Variants in RBMS3 observed in about 807,000 individuals in gnomAD.
RBMS3 encodes RNA binding motif single stranded interacting protein 3, also known as RNA-binding motif, single-stranded-interacting protein 3.
Under a neutral mutation model 66.8 loss-of-function variants are expected in RBMS3, and 27 were observed. That is an observed-to-expected ratio of 0.40 (90% CI 0.30 to 0.56). The LOEUF is 0.56. Among genes scored for constraint, RBMS3 ranks in the 20% least tolerant of loss-of-function variants. The pLI, the probability that RBMS3 is intolerant of heterozygous loss-of-function variation, is 0.40. For missense variants in RBMS3, 513 were observed against 549.5 expected, an observed-to-expected ratio of 0.93 and a Z score of 0.66; for synonymous variants, 188 against 183.0, an observed-to-expected ratio of 1.03 and a Z score of -0.22.
intron 3 of RBMS3, among the ~76,000 whole-genome samples, chr3:29,581,971 C>A (rs980795083): frequency 1.3e-5 from 2 of 152,192 alleles, no homozygotes; most frequent in South Asian, 4.1e-4. Flanking sequence ...CACAGCAACA[C>A]AGAAGTATAA....
Position 29,762,278 on chromosome 3 carries a change from C to A in RBMS3, c.558-632C>A, listed in dbSNP as rs1451809506. Among the ~76,000 whole-genome samples the A allele has an allele frequency of 2.0e-5, 3 of 152,106 alleles. No individual in the cohort carries two copies. The South Asian group carries it at 6.2e-4, about 31-fold the overall frequency. Reference sequence around the variant, plus strand: ...CTTCAACATGTAGGACCCCACCTAACTCTTTGGATGTCTTACATAAAGTGG... The same window carrying A: ...CTTCAACATGTAGGACCCCACCTAAATCTTTGGATGTCTTACATAAAGTGG... On this transcript the variant is annotated intron_variant, in intron 5 of 14. Coordinates refer to ENST00000383767, the MANE Select transcript of RBMS3 (RefSeq NM_001003793.3).
At chr3:29,300,751 AAAT>A (rs1255326822) in intron 1 of RBMS3, among the ~76,000 whole-genome samples, 6 of 152,022 alleles carry the variant, frequency 3.9e-5, no homozygotes, top group African/African-American at 1.4e-4. Flanking sequence ...TGTTTCCAAA[AAAT>A]GATAAGAAAT....
chr3:29,990,606 G>GA (rs1698792757), intron 13 of RBMS3, among the ~76,000 whole-genome samples: 2 of 151,914 alleles, frequency 1.3e-5, no homozygotes, highest in African/African-American at 4.8e-5. Context: ...TTACTGGAGA[G>GA]AAAAATCTAC....
intron 3 of RBMS3, among the ~76,000 whole-genome samples, chr3:29,538,465 C>G (rs1013839039): frequency 6.6e-6 from 1 of 152,150 alleles, no homozygotes; most frequent in Non-Finnish European, 1.5e-5. Context: ...TAAGGAACAT[C>G]GTTATCCTTA....
intron 6 of RBMS3, among the ~76,000 whole-genome samples, chr3:29,821,168 A>T (rs565516630): frequency 3.9e-5 from 6 of 152,296 alleles, no homozygotes; most frequent in Admixed American, 6.5e-5. Context: ...ACATTTTTAG[A>T]GTAAGTTTTC....
At chr3:29,719,214 G>A (rs1194951012) in intron 4 of RBMS3, among the ~76,000 whole-genome samples, 3 of 152,088 alleles carry the variant, frequency 2.0e-5, no homozygotes, top group South Asian at 2.1e-4. Context: ...ATGAAACAAC[G>A]TGAAAGAAAC....
intron 4 of RBMS3, among the ~76,000 whole-genome samples, chr3:29,656,118 G>A (rs1424790325): frequency 1.3e-5 from 2 of 152,030 alleles, no homozygotes; most frequent in Admixed American, 1.3e-4. Flanking sequence ...GTTACAGTAA[G>A]ATAAGGTTAA....
intron 1 of RBMS3, among the ~76,000 whole-genome samples, chr3:29,387,828 CTCAT>C (rs2039080103): frequency 6.6e-6 from 1 of 152,138 alleles, no homozygotes; most frequent in Non-Finnish European, 1.5e-5. Flanking sequence ...AGTTTTGGAT[CTCAT>C]TCAAAGTAAA....
intron 12 of RBMS3, among the ~76,000 whole-genome samples, chr3:29,974,605 C>T (rs1697434093): frequency 6.6e-6 from 1 of 151,474 alleles, no homozygotes; most frequent in Non-Finnish European, 1.5e-5. Context: ...CTTTTATAAT[C>T]CCCACAAAAG....
At chr3:29,983,495 G>GT (rs993894859) in intron 12 of RBMS3, among the ~76,000 whole-genome samples, 1 of 152,086 alleles carries the variant, frequency 6.6e-6, no homozygotes, top group Admixed American at 6.6e-5. Flanking sequence ...AGTTGATGCA[G>GT]TTTTTTCATA....
chr3:29,567,875 TA>T (rs2046804356), intron 3 of RBMS3, among the ~76,000 whole-genome samples: 3 of 152,156 alleles, frequency 2.0e-5, no homozygotes, highest in African/African-American at 7.2e-5. Context: ...ATTATTCCTG[TA>T]AAAATAGCTG....
intron 4 of RBMS3, chr3:29,698,223 A>C (rs1265861032): frequency 1.0e-6 from 1 of 985,220 alleles, no homozygotes; most frequent in African/African-American, 1.7e-5. Context: ...AGAGTCCAGA[A>C]AGTTCTGAGT....
At position 29,914,274 on chromosome 3, in the gene RBMS3, G is replaced by T. The variant is rs981635864; in HGVS notation, c.939+14519G>T. On this transcript the variant is annotated intron_variant, in intron 10 of 14. Transcript: ENST00000383767. ...GGGTCCTTAAACTGAATTAGGATGTGTAAGAGAAGGCATAAGTTGAGGATC... is the reference window on the plus strand; with the variant it reads ...GGGTCCTTAAACTGAATTAGGATGTTTAAGAGAAGGCATAAGTTGAGGATC... Among the ~76,000 whole-genome samples, 98 of 151,844 alleles carry T rather than the reference G, an allele frequency of 6.5e-4. 2 individuals carry two copies. The highest frequency in any genetic ancestry group is 1.5e-4 in the Non-Finnish European group (10 of 67,852).
intron 6 of RBMS3, among the ~76,000 whole-genome samples, chr3:29,832,250 G>T (rs1431660504): frequency 6.6e-6 from 1 of 152,118 alleles, no homozygotes; most frequent in Non-Finnish European, 1.5e-5. Context: ...AAGGACTTGT[G>T]GTCCCTTTTT....
intron 4 of RBMS3, among the ~76,000 whole-genome samples, chr3:29,676,800 A>T (rs746724428): frequency 5.3e-5 from 8 of 152,186 alleles, no homozygotes; most frequent in Non-Finnish European, 1.2e-4. Flanking sequence ...GGTGTAAAAC[A>T]CATGCCATTT....
chr3:29,751,877 A>G (rs2055199270), intron 5 of RBMS3, among the ~76,000 whole-genome samples: 1 of 152,182 alleles, frequency 6.6e-6, no homozygotes, highest in Admixed American at 6.5e-5. Flanking sequence ...TGCCTGCAGG[A>G]ACAAACACTG....
intron 6 of RBMS3, among the ~76,000 whole-genome samples, chr3:29,806,053 A>G (rs556691383): frequency 2.3e-4 from 35 of 152,060 alleles, no homozygotes; most frequent in Non-Finnish European, 3.8e-4. Flanking sequence ...ATTTTTGTTC[A>G]AAATATTTGA....
intron 10 of RBMS3, among the ~76,000 whole-genome samples, chr3:29,917,882 G>T (rs2060679441): frequency 6.6e-6 from 1 of 152,058 alleles, no homozygotes; most frequent in Admixed American, 6.6e-5. Context: ...TTTTAGGTTT[G>T]GAGTCTTCTA....
At chr3:29,989,157 T>C (rs899360692) in intron 13 of RBMS3, among the ~76,000 whole-genome samples, 1 of 152,222 alleles carries the variant, frequency 6.6e-6, no homozygotes, top group Non-Finnish European at 1.5e-5. Context: ...CTTATTGCTG[T>C]AGATATCATG....
Sources: gnomAD v4.1 joint callset for allele counts (sites outside exome capture counted in the v4.1 genomes callset) on GRCh38, gnomAD v4.1.1 for gene constraint, MANE v1.5 for transcripts, NCBI Gene and HGNC (gene_info 2026-07-23, HGNC 2026-07-21) for gene names.